MZT2A: variants seen among roughly 807,000 people sequenced by gnomAD.
MZT2A encodes mitotic spindle organizing protein 2A, also known as mitotic-spindle organizing protein 2A.
A neutral mutation model predicts 12.4 loss-of-function variants in MZT2A; 8 were observed. The ratio of observed to expected loss-of-function variants is 0.64; its 90% confidence interval spans 0.38 to 1.16. The LOEUF (loss-of-function observed/expected upper bound fraction) is 1.16, where lower values mean the gene tolerates loss of function less well. MZT2A is among the 50% of genes most tolerant of loss of function. The pLI, the probability that MZT2A is intolerant of heterozygous loss-of-function variation, is 0.01. For synonymous variants in MZT2A, 88 were observed against 107.5 expected, an observed-to-expected ratio of 0.82 and a Z score of 1.12; for missense variants, 181 against 223.6, an observed-to-expected ratio of 0.81 and a Z score of 1.22.
intron 2 of MZT2A, among the ~76,000 whole-genome samples, chr2:131,474,707 A>G (rs1460624746): frequency 6.6e-6 from 1 of 151,470 alleles, no homozygotes; most frequent in African/African-American, 2.4e-5. Context: ...ACCACGCCTG[A>G]CCCAATAAAT....
At position 131,484,074 on chromosome 2, in the gene MZT2A, T is replaced by C. The variant is rs1206975421; in HGVS notation, c.464A>G (p.Gln155Arg). Residue 155 changes from glutamine to arginine, a missense_variant, in exon 3 of 3, where the codon CAG becomes CGG. Around this residue, in one of 3 missense-constraint regions of MZT2A, gnomAD observed 72 missense variants for 76.9 expected, o/e 0.94. Coordinates refer to ENST00000309451, the MANE Select transcript of MZT2A (RefSeq NM_001085365.2). ...CTCTGCCCCATCCTAGGTGCTGCCC[T>C]GCGTAGGGCTCTTCCCAGGCCCGCC... Reference protein sequence around the residue: ...KGGGPGKSPTQGST With the variant: ...KGGGPGKSPTRGST 1.2e-6 allele frequency: 2 copies of C among 1,610,724 alleles called. No individual in the cohort carries two copies. Among genetic ancestry groups the C allele is most frequent in the Non-Finnish European group, 1.7e-6 (2 of 1,177,428 alleles).
intron 2 of MZT2A, chr2:131,491,112 G>C: frequency 1.5e-6 from 1 of 687,142 alleles, no homozygotes; most frequent in Non-Finnish European, 2.5e-6. Flanking sequence ...CCTTCCATTG[G>C]CCTGGGAGGT....
chr2:131,490,228 C>A, intron 2 of MZT2A: 1 of 829,456 alleles, frequency 1.2e-6, no homozygotes, highest in Non-Finnish European at 1.5e-6. Flanking sequence ...GGCAAGGGGG[C>A]TGAGTGCTGG....
At position 131,476,051 on chromosome 2, in the gene MZT2A, C is replaced by T. The variant is rs377077442; in HGVS notation, c.279-3869G>A. The T allele has an allele frequency of 4.1e-5, 61 of 1,482,002 alleles. 1 individual carries two copies. The African/African-American group carries it at 6.6e-4, about 16-fold the overall frequency. 91.8% of individuals were successfully genotyped at this position (1,482,002 alleles called of 1,614,324 possible). ...CTGGGATCCGGCCCTCAGCCCGCCTCCCAGGAACTCCGAGCCAATGGCGGC... is the reference window on the plus strand; with the variant it reads ...CTGGGATCCGGCCCTCAGCCCGCCTTCCAGGAACTCCGAGCCAATGGCGGC... On this transcript the variant is annotated intron_variant and NMD_transcript_variant, in intron 2 of 4. Transcript: ENST00000427024.
At chr2:131,484,954 T>C (rs1162461852) in intron 2 of MZT2A, among the ~76,000 whole-genome samples, 5 of 152,220 alleles carry the variant, frequency 3.3e-5, no homozygotes, top group Non-Finnish European at 7.3e-5. Context: ...CCAAGAAAAA[T>C]CTGCAACCAC....
intron 2 of MZT2A, among the ~76,000 whole-genome samples, chr2:131,485,641 G>A (rs1471798816): frequency 6.6e-6 from 1 of 152,122 alleles, no homozygotes; most frequent in Non-Finnish European, 1.5e-5. Context: ...GTCCCGTGTG[G>A]GAACTCCCCT....
At chr2:131,493,398 C>T (rs1244185546), upstream of MZT2A, among the ~76,000 whole-genome samples, 3 of 152,162 alleles carry the variant, frequency 2.0e-5, no homozygotes, top group Non-Finnish European at 4.4e-5. Flanking sequence ...GAAGGTTACC[C>T]GTCGTTGAAG....
At chr2:131,482,908 G>C, downstream of MZT2A, 1 of 1,572,490 alleles carries the variant, frequency 6.4e-7, no homozygotes, top group Non-Finnish European at 8.6e-7. Flanking sequence ...CAAGTTGTTT[G>C]CAATTAAAGG....
At chr2:131,480,804 A>C, downstream of MZT2A, 1 of 1,574,298 alleles carries the variant, frequency 6.4e-7, no homozygotes, top group Non-Finnish European at 8.6e-7. Context: ...ACAAAATAAC[A>C]CTGGCCCTGA....
chr2:131,471,297 T>TA (rs933560598), intron 3 of MZT2A, among the ~76,000 whole-genome samples: 4 of 140,708 alleles, frequency 2.8e-5, no homozygotes, highest in Non-Finnish European at 5.9e-5. Flanking sequence ...AATTTGGGCT[T>TA]AAAATCTGCC....
chr2:131,482,588 G>C, downstream of MZT2A: 2 of 1,612,880 alleles, frequency 1.2e-6, no homozygotes, highest in Non-Finnish European at 1.7e-6. Flanking sequence ...AGTGGTCCCC[G>C]GGGGAGACCT....
At chr2:131,493,323 C>T (rs554526539), upstream of MZT2A, among the ~76,000 whole-genome samples, 203 of 152,204 alleles carry the variant, frequency 1.3e-3, no homozygotes, top group Non-Finnish European at 1.1e-3. Flanking sequence ...CTCCTCTGGG[C>T]CATGCCTTTG....
intron 2 of MZT2A, chr2:131,490,425 C>T: frequency 7.9e-7 from 1 of 1,270,996 alleles, no homozygotes; most frequent in South Asian, 1.7e-5. Context: ...GGCTGGCTGT[C>T]TTCCCCTGGA....
upstream of MZT2A, among the ~76,000 whole-genome samples, chr2:131,493,583 G>A (rs1157138078): frequency 6.6e-6 from 1 of 152,178 alleles, no homozygotes; most frequent in Non-Finnish European, 1.5e-5. Context: ...GGAAACAAGT[G>A]GGCGCGTGCT....
chr2:131,483,648 G>A (rs1678932208), downstream of MZT2A, among the ~76,000 whole-genome samples: 1 of 152,148 alleles, frequency 6.6e-6, no homozygotes, highest in Non-Finnish European at 1.5e-5. Flanking sequence ...CCAGGAGGCG[G>A]AGCTTGTAGT....
At chr2:131,487,660 T>C (rs1487990832) in intron 2 of MZT2A, among the ~76,000 whole-genome samples, 1 of 152,246 alleles carries the variant, frequency 6.6e-6, no homozygotes, top group Non-Finnish European at 1.5e-5. Context: ...CTTGCTATGT[T>C]GCCCAGGCTG....
chr2:131,487,709 G>A (rs1679108240), intron 2 of MZT2A, among the ~76,000 whole-genome samples: 1 of 152,252 alleles, frequency 6.6e-6, no homozygotes, highest in Admixed American at 6.5e-5. Context: ...TCCTGCCTCA[G>A]CCTCCAAAAA....
At chr2:131,484,379 C>A (rs1268065457) in intron 2 of MZT2A, among the ~76,000 whole-genome samples, 161 bp from the exon 3 acceptor site, 1 of 152,256 alleles carries the variant, frequency 6.6e-6, no homozygotes, top group African/African-American at 2.4e-5. Flanking sequence ...GACTCAGAAC[C>A]ACTAAAGACA....
chr2:131,487,454 G>C (rs1038456152), intron 2 of MZT2A, among the ~76,000 whole-genome samples: 4 of 151,946 alleles, frequency 2.6e-5, no homozygotes, highest in Non-Finnish European at 2.9e-5. Flanking sequence ...CTCCAGCCTG[G>C]GTGACAGAGC....
Sources: gnomAD v4.1 joint callset for allele counts (sites outside exome capture counted in the v4.1 genomes callset) on GRCh38, gnomAD v4.1.1 for gene constraint, gnomAD v4.1.1 regional missense constraint, MANE v1.5 for transcripts, NCBI Gene and HGNC (gene_info 2026-07-23, HGNC 2026-07-21) for gene names.